The following XXYLT1 variants were observed in gnomAD, a reference collection of about 807,000 sequenced individuals.
The protein encoded by XXYLT1 is xyloside xylosyltransferase 1.
A neutral mutation model predicts 28.9 loss-of-function variants in XXYLT1; 20 were observed. The observed-to-expected ratio is 0.69, with a 90% CI of 0.49 to 1.00. XXYLT1 has a LOEUF of 1.00. Among genes scored for constraint, XXYLT1 ranks in the 50% least tolerant of loss-of-function variants. XXYLT1 has a pLI of 0.00. For synonymous variants in XXYLT1, 257 were observed against 253.8 expected, an observed-to-expected ratio of 1.01 and a Z score of -0.12; for missense variants, 542 against 560.1, an observed-to-expected ratio of 0.97 and a Z score of 0.33.
At chr3:195,232,046 G>T (rs1245589020) in intron 1 of XXYLT1, among the ~76,000 whole-genome samples, 5 of 151,940 alleles carry the variant, frequency 3.3e-5, no homozygotes, top group Non-Finnish European at 7.4e-5. Flanking sequence ...GACTTATTAT[G>T]GCTTTGATCT....
chr3:195,150,835 CACA>C lies in XXYLT1; in HGVS notation c.785+5611_785+5613del, dbSNP rs1560121810. Among the ~76,000 whole-genome samples, 6,360 of 140,178 alleles carry C rather than the reference CACA, an allele frequency of 0.045. 507 individuals are homozygous for C. The highest frequency in any genetic ancestry group is 0.15 in the African/African-American group (6,002 of 39,108). 92.0% of individuals were successfully genotyped at this position (140,178 alleles called of 152,430 possible). On this transcript the variant is annotated intron_variant, in intron 3 of 3. Coordinates refer to ENST00000310380, the MANE Select transcript of XXYLT1 (RefSeq NM_152531.5). The surrounding 1 kb of genome is among the most constrained non-coding windows in gnomAD (Gnocchi z 4.7). The stretch of plus-strand genomic sequence containing the variant: ...ACATACACACACACTCACACATACG[CACA>C]CTCTCTCACACACTCTCACACACAC...
At chr3:195,206,262 G>A (rs1222735488) in intron 2 of XXYLT1, among the ~76,000 whole-genome samples, 16 of 151,292 alleles carry the variant, frequency 1.1e-4, no homozygotes, top group African/African-American at 2.2e-4. Context: ...CACCCGCCTC[G>A]GCCTCCCGAA....
chr3:195,135,254 C>T (rs1366390210), intron 3 of XXYLT1, among the ~76,000 whole-genome samples: 9 of 152,104 alleles, frequency 5.9e-5, no homozygotes, highest in Non-Finnish European at 1.3e-4. Context: ...AATTCTGCGA[C>T]GATATCAACA....
intron 3 of XXYLT1, among the ~76,000 whole-genome samples, chr3:195,088,110 G>C (rs953216966): frequency 6.6e-6 from 1 of 151,770 alleles, no homozygotes; most frequent in Admixed American, 6.6e-5. Context: ...GCTGGGGGAG[G>C]GGCGCCCGCC....
At chr3:195,207,978 C>A (rs1317544211) in intron 2 of XXYLT1, among the ~76,000 whole-genome samples, 1 of 152,176 alleles carries the variant, frequency 6.6e-6, no homozygotes, top group Non-Finnish European at 1.5e-5. Flanking sequence ...CAGAAAGTGC[C>A]CAAGACAGAA....
chr3:195,250,719 C>G (rs1336128463), intron 1 of XXYLT1, among the ~76,000 whole-genome samples: 1 of 152,168 alleles, frequency 6.6e-6, no homozygotes, highest in East Asian at 1.9e-4. Context: ...TTTATGAACC[C>G]CTACTTCACT....
In XXYLT1 at chr3:195,173,399, T is replaced by C. The variant is rs970031766; in HGVS notation, c.653-16818A>G. On this transcript the variant is annotated intron_variant, in intron 2 of 3. Transcript: ENST00000310380. The surrounding 1 kb of genome is among the most constrained non-coding windows in gnomAD (Gnocchi z 4.3). ...GTTCTGCTCCTGGCCTCATTCTCCT[T>C]TGTGTTGTTACCTAGGAGGTGCTCG... Among the ~76,000 whole-genome samples, 6 of 152,150 alleles carry C rather than the reference T, an allele frequency of 3.9e-5. No individual in the cohort carries two copies. The highest frequency in any genetic ancestry group is 1.4e-4 in the African/African-American group (6 of 41,426).
At chr3:195,219,114 A>G (rs1723706337) in intron 2 of XXYLT1, among the ~76,000 whole-genome samples, 2 of 150,154 alleles carry the variant, frequency 1.3e-5, no homozygotes, top group South Asian at 2.1e-4. Context: ...GAACTGAACA[A>G]TGAGATCACA....
In XXYLT1 at chr3:195,257,956, C is replaced by A. The variant is rs1455774145; in HGVS notation, c.504+12599G>T. Reference sequence around the variant, plus strand: ...CCCCGGCACACCCACAATCCTCGACCCTGTGTCTTCCTACCCCCTAGACAG... The same window carrying A: ...CCCCGGCACACCCACAATCCTCGACACTGTGTCTTCCTACCCCCTAGACAG... On this transcript the variant is annotated intron_variant, in intron 1 of 3. Coordinates refer to ENST00000310380, the MANE Select transcript of XXYLT1 (RefSeq NM_152531.5). This position sits in a 1 kb window ranked among gnomAD's most constrained non-coding sequence, Gnocchi z 4.3. Among the ~76,000 whole-genome samples the A allele has an allele frequency of 6.6e-6, 1 of 152,166 alleles. No homozygotes were observed. The highest frequency in any genetic ancestry group is 1.5e-5 in the Non-Finnish European group (1 of 68,030).
At chr3:195,249,544 G>A (rs1017043375) in intron 1 of XXYLT1, among the ~76,000 whole-genome samples, 2 of 152,228 alleles carry the variant, frequency 1.3e-5, no homozygotes, top group South Asian at 2.1e-4. Context: ...ACCATGCCCC[G>A]TGGAAAGGAG....
At chr3:195,125,386 G>A (rs1718564538) in intron 3 of XXYLT1, among the ~76,000 whole-genome samples, 1 of 152,256 alleles carries the variant, frequency 6.6e-6, no homozygotes, top group African/African-American at 2.4e-5. Context: ...AGAATTGGGA[G>A]AGCAGCCCAG....
chr3:195,179,403 C>T (rs1051965235), intron 2 of XXYLT1, among the ~76,000 whole-genome samples: 2 of 151,538 alleles, frequency 1.3e-5, no homozygotes, highest in Non-Finnish European at 2.9e-5. Context: ...GTTTTTCCAG[C>T]CCCAAAACAC....
intron 3 of XXYLT1, among the ~76,000 whole-genome samples, chr3:195,072,982 C>G (rs562493279): frequency 4.9e-4 from 74 of 152,310 alleles, no homozygotes; most frequent in African/African-American, 1.6e-3. Context: ...GCCAATCCCC[C>G]CAACGCAACA....
At chr3:195,260,015 G>T (rs968821131) in intron 1 of XXYLT1, 1 of 152,448 alleles carries the variant, frequency 6.6e-6, no homozygotes, top group Non-Finnish European at 1.5e-5. Context: ...CCGGTTTACC[G>T]GCGGCCCAGG....
intron 3 of XXYLT1, chr3:195,148,253 C>T (rs934787493): frequency 1.3e-5 from 2 of 152,210 alleles, no homozygotes; most frequent in African/African-American, 4.8e-5. Flanking sequence ...CAGGTACATC[C>T]CTCCCTTTTT....
chr3:195,107,538 G>GAAGGAGGAAGGA (rs200445183), intron 3 of XXYLT1, among the ~76,000 whole-genome samples: 1 of 10,280 alleles, frequency 9.7e-5, no homozygotes, highest in East Asian at 8.6e-4. Context: ...GGAGGAGGAG[G>GAAGGAGGAAGGA]GGGAGGAGGA....
intron 2 of XXYLT1, among the ~76,000 whole-genome samples, chr3:195,204,501 C>CTCTCTCTCTCTT (rs1193922490): frequency 1.3e-4 from 20 of 151,986 alleles, no homozygotes; most frequent in African/African-American, 4.8e-4. Flanking sequence ...CTCTCTCTCT[C>CTCTCTCTCTCTT]TCTCAGTGGC....
rs143716442 is a variant in XXYLT1 at position 195,105,575 on chromosome 3, T to A, written c.786-35464A>T. On this transcript the variant is annotated intron_variant, in intron 3 of 3. Coordinates refer to ENST00000310380, the MANE Select transcript of XXYLT1 (RefSeq NM_152531.5). ...AAGGTATGTGAGTGTTGAAAGTGTG[T>A]CAGATGGTGGAGAAAATGACATAAC... Among the ~76,000 whole-genome samples, 387 of 152,338 alleles carry A rather than the reference T, an allele frequency of 2.5e-3. 2 individuals are homozygous for A. The highest frequency in any genetic ancestry group is 8.9e-3 in the African/African-American group (370 of 41,582).
chr3:195,244,850 CAA>C (rs137953417), intron 1 of XXYLT1, among the ~76,000 whole-genome samples: 13 of 93,654 alleles, frequency 1.4e-4, no homozygotes, highest in Admixed American at 8.4e-4. Context: ...GACTCTGTCT[CAA>C]AAAAAAAAAA....
Sources: allele counts gnomAD v4.1 joint callset (sites outside exome capture counted in the v4.1 genomes callset), GRCh38; gene constraint gnomAD v4.1.1; non-coding constraint Gnocchi (gnomAD v3.1); transcripts MANE v1.5; gene names NCBI Gene and HGNC (gene_info 2026-07-23, HGNC 2026-07-21).